The following CDH13 variants were observed in gnomAD, a reference collection of about 807,000 sequenced individuals.
The protein encoded by CDH13 is cadherin-13.
A neutral mutation model predicts 63.8 loss-of-function variants in CDH13; 24 were observed. The observed-to-expected ratio is 0.38, with a 90% CI of 0.27 to 0.53. The LOEUF is 0.53. CDH13 is among the 20% of genes least tolerant of loss of function. The probability of loss-of-function intolerance (pLI) is 0.85; values close to 1 mark genes in which losing one functional copy is unlikely to be tolerated. For missense variants in CDH13, 1,049 were observed against 903.1 expected, an observed-to-expected ratio of 1.16 and a Z score of -2.07; for synonymous variants, 503 against 355.3, an observed-to-expected ratio of 1.42 and a Z score of -4.67.
chr16:83,655,259 A>G (rs1354049995), intron 8 of CDH13: 1 of 152,254 alleles, frequency 6.6e-6, no homozygotes, highest in Non-Finnish European at 1.5e-5. Flanking sequence ...GATGTGCCAG[A>G]CACCACGGTA....
intron 3 of CDH13, among the ~76,000 whole-genome samples, chr16:83,061,788 G>T (rs1215655923): frequency 6.6e-6 from 1 of 152,198 alleles, no homozygotes; most frequent in Non-Finnish European, 1.5e-5. Context: ...CACTTATGAA[G>T]AATCTGTGTC....
At chr16:82,770,994 C>T (rs561776521) in intron 1 of CDH13, among the ~76,000 whole-genome samples, 1 of 152,254 alleles carries the variant, frequency 6.6e-6, no homozygotes, top group Admixed American at 6.5e-5. Flanking sequence ...GGATTACAGC[C>T]GTGAGCCAAC....
At chr16:83,263,834 C>T (rs1364311) in intron 5 of CDH13, among the ~76,000 whole-genome samples, 95,107 of 151,934 alleles carry the variant, frequency 0.63, 30,604 homozygotes, top group South Asian at 0.74. Flanking sequence ...TACAGGTTGA[C>T]GGCTAGAGAC....
chr16:83,121,999 T>A (rs1379728592), intron 3 of CDH13, among the ~76,000 whole-genome samples: 1 of 144,582 alleles, frequency 6.9e-6, no homozygotes, highest in Non-Finnish European at 1.5e-5. Flanking sequence ...CACACACTTT[T>A]ATGGGGCCTT....
chr16:83,722,198 G>A (rs1909787856), intron 10 of CDH13, among the ~76,000 whole-genome samples: 1 of 151,944 alleles, frequency 6.6e-6, no homozygotes. Flanking sequence ...ACCGATGCTG[G>A]CTACACAATC....
chr16:83,051,750 T>A (rs1291976343), intron 3 of CDH13, among the ~76,000 whole-genome samples: 1 of 152,200 alleles, frequency 6.6e-6, no homozygotes, highest in Non-Finnish European at 1.5e-5. Flanking sequence ...CCTGTAACTC[T>A]AGTTATGACT....
chr16:83,374,506 G>C (rs142609665), intron 6 of CDH13, among the ~76,000 whole-genome samples: 9 of 152,288 alleles, frequency 5.9e-5, no homozygotes, highest in African/African-American at 1.9e-4. Context: ...CAACATCTAC[G>C]TAGAAAACAT....
At chr16:83,758,273 A>G (rs1044646670) in intron 11 of CDH13, among the ~76,000 whole-genome samples, 19 of 152,212 alleles carry the variant, frequency 1.2e-4, no homozygotes, top group Non-Finnish European at 2.1e-4. Flanking sequence ...AGATCTTACA[A>G]GAAATTAAAA....
At chr16:83,573,040 C>T (rs1308404285) in intron 7 of CDH13, among the ~76,000 whole-genome samples, 2 of 152,122 alleles carry the variant, frequency 1.3e-5, no homozygotes, top group African/African-American at 4.8e-5. Context: ...TATTTTTCAT[C>T]CACAGAATAT....
chr16:83,186,954 T>C (rs2038544378), intron 4 of CDH13, among the ~76,000 whole-genome samples: 1 of 151,050 alleles, frequency 6.6e-6, no homozygotes, highest in Admixed American at 6.6e-5. Context: ...ATTTTATGAA[T>C]AAAATTTATT....
At chr16:82,872,431 AC>A (rs2040372262) in intron 2 of CDH13, among the ~76,000 whole-genome samples, 1 of 152,234 alleles carries the variant, frequency 6.6e-6, no homozygotes. Context: ...ACAGGAACAT[AC>A]GGATGTTACA....
intron 2 of CDH13, among the ~76,000 whole-genome samples, chr16:83,000,701 T>C (rs1284697096): frequency 6.6e-6 from 1 of 151,684 alleles, no homozygotes; most frequent in Admixed American, 6.6e-5. Flanking sequence ...TGCCTCAGCT[T>C]CCCAGGTAGC....
At chr16:82,891,014 A>C (rs1374278271) in intron 2 of CDH13, among the ~76,000 whole-genome samples, 1 of 148,652 alleles carries the variant, frequency 6.7e-6, no homozygotes, top group Non-Finnish European at 1.5e-5. Flanking sequence ...CTAAAAGACT[A>C]GGACATTAAG....
intron 3 of CDH13, among the ~76,000 whole-genome samples, chr16:83,116,584 G>A (rs746856088): frequency 6.6e-5 from 10 of 152,204 alleles, no homozygotes; most frequent in Admixed American, 2.0e-4. Context: ...TTCATGAAAT[G>A]TCCAGAAAAG....
In CDH13 at chr16:83,087,962, T is replaced by C. The variant is rs1441551288; in HGVS notation, c.367-37423T>C. 1.3e-5 allele frequency among the ~76,000 whole-genome samples: 2 copies of C among 152,182 alleles called. 1 individual carries two copies. Among genetic ancestry groups the C allele is most frequent in the Middle Eastern group, 6.3e-3 (2 of 316 alleles). On this transcript the variant is annotated intron_variant, in intron 3 of 13. Transcript: ENST00000567109. Reference sequence around the variant, plus strand: ...AACACTCACTTTGGAATAGGCCTCATGCTTGGGACTGCCTCCGTCAGTGTG... The same window carrying C: ...AACACTCACTTTGGAATAGGCCTCACGCTTGGGACTGCCTCCGTCAGTGTG...
At chr16:83,362,368 C>T (rs898380741) in intron 6 of CDH13, among the ~76,000 whole-genome samples, 1 of 152,226 alleles carries the variant, frequency 6.6e-6, no homozygotes, top group Non-Finnish European at 1.5e-5. Context: ...ATTCTAAGGT[C>T]TTTCCTGACC....
chr16:83,624,042 G>C (rs1910050538), intron 8 of CDH13, among the ~76,000 whole-genome samples: 1 of 152,172 alleles, frequency 6.6e-6, no homozygotes, highest in Non-Finnish European at 1.5e-5. Context: ...GGGCTTTCCA[G>C]CTTCAGGTGC....
At chr16:83,546,734 C>G (rs2075393104) in intron 7 of CDH13, among the ~76,000 whole-genome samples, 1 of 152,156 alleles carries the variant, frequency 6.6e-6, no homozygotes, top group African/African-American at 2.4e-5. Context: ...TAAACACCAG[C>G]CATCTGCATA....
At chr16:83,081,582 G>A (rs2033254726) in intron 3 of CDH13, among the ~76,000 whole-genome samples, 1 of 152,152 alleles carries the variant, frequency 6.6e-6, no homozygotes. Flanking sequence ...TCCCAGTTCT[G>A]GAGACCAGAA....
Sources: allele counts gnomAD v4.1 joint callset (sites outside exome capture counted in the v4.1 genomes callset), GRCh38; gene constraint gnomAD v4.1.1; transcripts MANE v1.5; gene names NCBI Gene and HGNC (gene_info 2026-07-23, HGNC 2026-07-21).